The following ATP2B2 variants were observed in gnomAD, a reference collection of about 807,000 sequenced individuals.
ATP2B2 encodes ATPase plasma membrane Ca2+ transporting 2.
A neutral mutation model predicts 120.0 loss-of-function variants in ATP2B2; 15 were observed. The observed-to-expected ratio is 0.12, with a 90% confidence interval of 0.08 to 0.19. The LOEUF (loss-of-function observed/expected upper bound fraction) is 0.19. Ranked by LOEUF, ATP2B2 falls within the 10% of genes least tolerant of loss-of-function variation. The probability of loss-of-function intolerance (pLI) is 1.00; values close to 1 mark genes in which losing one functional copy is unlikely to be tolerated. For synonymous variants in ATP2B2, 694 were observed against 700.3 expected, an observed-to-expected ratio of 0.99 and a Z score of 0.14; for missense variants, 1,045 against 1,719.8, an observed-to-expected ratio of 0.61 and a Z score of 6.94.
In ATP2B2 at chr3:10,473,840, A is replaced by G. The variant is rs147609760; in HGVS notation, c.-319-23978T>C. ...CTGGGGCTTGTGATGAGAGAGAATCAGGCAAAGTGAGTTCAGAGAAGCATA... is the reference window on the plus strand; with the variant it reads ...CTGGGGCTTGTGATGAGAGAGAATCGGGCAAAGTGAGTTCAGAGAAGCATA... On this transcript the variant is annotated intron_variant, in intron 1 of 22. Transcript: ENST00000360273. Among the ~76,000 whole-genome samples, 419 of 152,326 alleles carry G rather than the reference A, an allele frequency of 2.8e-3. 2 individuals carry two copies. The highest frequency in any genetic ancestry group is 9.7e-3 in the African/African-American group (404 of 41,586).
rs111651650 is a variant in ATP2B2, at chr3:10,637,007, A to G, written c.-459-17046T>C. Among the ~76,000 whole-genome samples the G allele has an allele frequency of 4.5e-4, 69 of 152,340 alleles. 1 individual carries two copies. Among genetic ancestry groups the G allele is most frequent in the African/African-American group, 1.6e-3 (68 of 41,580 alleles). On this transcript the variant is annotated intron_variant, in intron 1 of 21. Transcript: ENST00000646379. ...TCAGACAGGGCTGGAAATAGTGCCTATTGCCATTAGCCAGACTGGGACACC... is the reference window on the plus strand; with the variant it reads ...TCAGACAGGGCTGGAAATAGTGCCTGTTGCCATTAGCCAGACTGGGACACC...
At chr3:10,632,134 T>A (rs2069881963) in intron 1 of ATP2B2, among the ~76,000 whole-genome samples, 1 of 152,110 alleles carries the variant, frequency 6.6e-6, no homozygotes, top group Admixed American at 6.6e-5. Flanking sequence ...CTGCAGATGG[T>A]TTTTTGTGGT....
In ATP2B2 at chr3:10,635,048, C is replaced by T. The variant is rs528373642; in HGVS notation, c.-459-15087G>A. On this transcript the variant is annotated intron_variant, in intron 1 of 21. Coordinates refer to the ATP2B2 transcript ENST00000646379. The surrounding 1 kb of genome is among the most constrained non-coding windows in gnomAD (Gnocchi z 4.3). ...ATAGAAGAAAGAGCCTTCCAACACT[C>T]GCAGGACCCCGAGATAAATGTCCCT... 6.3e-4 allele frequency among the ~76,000 whole-genome samples: 96 copies of T among 151,926 alleles called. No individual in the cohort carries two copies. The highest frequency in any genetic ancestry group is 2.2e-3 in the African/African-American group (91 of 41,434).
chr3:10,602,201 C>T (rs1028337754), intron 2 of ATP2B2, among the ~76,000 whole-genome samples: 2 of 152,296 alleles, frequency 1.3e-5, no homozygotes, highest in East Asian at 3.9e-4. Flanking sequence ...AAAATTCTCA[C>T]TCCTTTGGTC....
intron 14 of ATP2B2, among the ~76,000 whole-genome samples, chr3:10,354,574 G>C (rs985104322): frequency 6.6e-6 from 1 of 152,184 alleles, no homozygotes; most frequent in Non-Finnish European, 1.5e-5. Context: ...CCAGACCGCT[G>C]CTCTCCTGAT....
chr3:10,703,273 G>A (rs1336159987), intron 1 of ATP2B2, among the ~76,000 whole-genome samples: 1 of 152,128 alleles, frequency 6.6e-6, no homozygotes, highest in Non-Finnish European at 1.5e-5. Context: ...CTCCTGGGAG[G>A]GAGTCCTGCG....
At chr3:10,431,942 C>T (rs1041820291) in intron 2 of ATP2B2, among the ~76,000 whole-genome samples, 1 of 152,124 alleles carries the variant, frequency 6.6e-6, no homozygotes, top group African/African-American at 2.4e-5. Flanking sequence ...AAAAATAGCT[C>T]TTAATGAAAG....
At position 10,372,523 on chromosome 3, in the gene ATP2B2, C is replaced by T. The variant is rs150924814; in HGVS notation, c.1417-472G>A. Among the ~76,000 whole-genome samples, 381 of 152,176 alleles carry T rather than the reference C, an allele frequency of 2.5e-3. 1 individual carries two copies. Among genetic ancestry groups the T allele is most frequent in the African/African-American group, 8.5e-3 (351 of 41,528 alleles). ...TACCAAAAGTAAATAAATTAGGATA[C>T]AGGAAAATATCTGGAAAAATATCAA... On this transcript the variant is annotated intron_variant, in intron 11 of 22. Transcript: ENST00000360273.
intron 1 of ATP2B2, among the ~76,000 whole-genome samples, chr3:10,637,443 A>T (rs1179281744): frequency 6.6e-6 from 1 of 152,230 alleles, no homozygotes; most frequent in African/African-American, 2.4e-5. Context: ...TAAGACATAG[A>T]AGATATAACA....
At chr3:10,666,569 C>T (rs1013508504) in intron 1 of ATP2B2, among the ~76,000 whole-genome samples, 15 of 152,352 alleles carry the variant, frequency 9.8e-5, no homozygotes, top group East Asian at 7.7e-4. Flanking sequence ...GCAAGTCCTG[C>T]GGCCTCTTGT....
intron 2 of ATP2B2, among the ~76,000 whole-genome samples, chr3:10,594,544 A>G (rs1171331846): frequency 6.6e-5 from 9 of 135,966 alleles, no homozygotes; most frequent in African/African-American, 2.3e-4. Context: ...AGGAAGGGGG[A>G]CATCACACAC....
intron 2 of ATP2B2, among the ~76,000 whole-genome samples, chr3:10,603,839 C>T (rs1559481498): frequency 1.3e-5 from 2 of 152,142 alleles, no homozygotes; most frequent in Non-Finnish European, 2.9e-5. Context: ...ATAGACTTAA[C>T]TCTCAGACGA....
At chr3:10,640,131 C>G (rs1387109740) in intron 1 of ATP2B2, among the ~76,000 whole-genome samples, 1 of 152,158 alleles carries the variant, frequency 6.6e-6, no homozygotes, top group African/African-American at 2.4e-5. Flanking sequence ...TGTTATTCCC[C>G]TTGTACTGAC....
At chr3:10,684,498 G>A (rs2071469579) in intron 1 of ATP2B2, among the ~76,000 whole-genome samples, 1 of 152,224 alleles carries the variant, frequency 6.6e-6, no homozygotes, top group African/African-American at 2.4e-5. Flanking sequence ...AACTGAAAGA[G>A]TCTTATTAAA....
chr3:10,666,947 A>T (rs2070955747), intron 1 of ATP2B2, among the ~76,000 whole-genome samples: 1 of 152,176 alleles, frequency 6.6e-6, no homozygotes, highest in South Asian at 2.1e-4. Context: ...TTCCCACTTT[A>T]GTGGAGTTAC....
intron 1 of ATP2B2, among the ~76,000 whole-genome samples, chr3:10,669,309 C>A (rs1228282665): frequency 6.6e-6 from 1 of 152,146 alleles, no homozygotes; most frequent in South Asian, 2.1e-4. Flanking sequence ...CTGGGAGGTA[C>A]AGCCTCGGCC....
At chr3:10,590,777 G>A (rs975856006) in intron 2 of ATP2B2, among the ~76,000 whole-genome samples, 2 of 152,202 alleles carry the variant, frequency 1.3e-5, no homozygotes, top group Non-Finnish European at 2.9e-5. Flanking sequence ...CGTGGAGGAA[G>A]AGCCTGAAGC....
intron 1 of ATP2B2, among the ~76,000 whole-genome samples, chr3:10,681,709 G>A (rs1575618734): frequency 6.6e-6 from 1 of 152,162 alleles, no homozygotes; most frequent in East Asian, 1.9e-4. Context: ...ATAAGATGCA[G>A]GTCCTATTAT....
intron 1 of ATP2B2, among the ~76,000 whole-genome samples, chr3:10,662,239 A>G (rs1279767976): frequency 6.6e-6 from 1 of 152,100 alleles, no homozygotes; most frequent in Admixed American, 6.5e-5. Flanking sequence ...AAATTGACAA[A>G]TGGTATCTAA....
Sources: allele counts gnomAD v4.1 joint callset (sites outside exome capture counted in the v4.1 genomes callset), GRCh38; gene constraint gnomAD v4.1.1; non-coding constraint Gnocchi (gnomAD v3.1); transcripts MANE v1.5; gene names NCBI Gene and HGNC (gene_info 2026-07-23, HGNC 2026-07-21).